The following CSMD1 variants were observed in gnomAD, a reference collection of about 807,000 sequenced individuals.
The protein encoded by CSMD1 is CUB and Sushi multiple domains 1.
In CSMD1, 213 loss-of-function variants were observed where a neutral mutation model predicts 417.5. That is an observed-to-expected ratio of 0.51 (90% CI 0.46 to 0.57). CSMD1 has a LOEUF of 0.57. CSMD1 is among the 20% of genes least tolerant of loss of function. CSMD1 has a pLI of 0.00. For missense variants in CSMD1, 6,923 were observed against 4,529.7 expected (o/e 1.53, Z -15.17); for synonymous variants, 2,862 against 1,736.8 (o/e 1.65, Z -16.11).
intron 3 of CSMD1, among the ~76,000 whole-genome samples, chr8:4,181,151 G>A (rs914552696): frequency 2.0e-5 from 3 of 152,098 alleles, no homozygotes; most frequent in African/African-American, 4.8e-5. Flanking sequence ...CTATTTTGGT[G>A]TATTTGCTTT....
At chr8:4,604,615 T>A (rs1441931346) in intron 2 of CSMD1, among the ~76,000 whole-genome samples, 6 of 152,178 alleles carry the variant, frequency 3.9e-5, no homozygotes, top group Non-Finnish European at 8.8e-5. Flanking sequence ...AAAGTGAAAC[T>A]AAAGTTAAAT....
intron 5 of CSMD1, among the ~76,000 whole-genome samples, chr8:3,877,355 C>G (rs1805893989): frequency 2.0e-5 from 3 of 152,188 alleles, no homozygotes; most frequent in Admixed American, 2.0e-4. Flanking sequence ...GGCATGTGCT[C>G]TTCCATGGCT....
At chr8:3,273,549 G>A (rs941636119) in intron 26 of CSMD1, among the ~76,000 whole-genome samples, 52 of 152,144 alleles carry the variant, frequency 3.4e-4, no homozygotes, top group African/African-American at 9.9e-4. Flanking sequence ...TCGGTTGTGA[G>A]TCCATCTGGT....
intron 2 of CSMD1, among the ~76,000 whole-genome samples, chr8:4,454,942 G>A (rs758512236): frequency 1.3e-5 from 2 of 152,098 alleles, no homozygotes; most frequent in Non-Finnish European, 2.9e-5. Context: ...GACTCATGAC[G>A]CTTCTGTACG....
intron 3 of CSMD1, among the ~76,000 whole-genome samples, chr8:4,418,002 T>G (rs964153085): frequency 4.6e-5 from 7 of 152,040 alleles, no homozygotes; most frequent in African/African-American, 1.7e-4. Flanking sequence ...TAATTGATAA[T>G]TTTTCTCCAA....
intron 4 of CSMD1, among the ~76,000 whole-genome samples, chr8:4,027,464 G>A (rs71521902): frequency 1.3e-5 from 2 of 152,090 alleles, no homozygotes; most frequent in South Asian, 2.1e-4. Context: ...TCTTGTGACA[G>A]TGGGTGAGTT....
intron 5 of CSMD1, among the ~76,000 whole-genome samples, chr8:3,826,054 A>G (rs1802037567): frequency 6.6e-6 from 1 of 152,172 alleles, no homozygotes. Flanking sequence ...ATGGAGGCCC[A>G]CATAGACATC....
chr8:4,084,324 G>C (rs1017317096), intron 3 of CSMD1, among the ~76,000 whole-genome samples: 2 of 84,752 alleles, frequency 2.4e-5, no homozygotes, highest in Non-Finnish European at 5.5e-5. Context: ...ATATTGGTTT[G>C]TTAAAAAAGA....
intron 1 of CSMD1, among the ~76,000 whole-genome samples, chr8:4,827,197 A>C (rs915952145): frequency 1.3e-5 from 2 of 152,092 alleles, no homozygotes; most frequent in African/African-American, 4.8e-5. Flanking sequence ...ATAACTGAAA[A>C]CCTCAGAATG....
At chr8:4,352,425 C>T (rs992369356) in intron 3 of CSMD1, among the ~76,000 whole-genome samples, 1 of 152,144 alleles carries the variant, frequency 6.6e-6, no homozygotes, top group African/African-American at 2.4e-5. Context: ...ATAAATATTT[C>T]CTTTTCAACT....
At chr8:4,655,092 T>A (rs1441471227) in intron 1 of CSMD1, among the ~76,000 whole-genome samples, 29 of 152,094 alleles carry the variant, frequency 1.9e-4, no homozygotes, top group Admixed American at 1.9e-3. Flanking sequence ...GGAGACCTAT[T>A]AATTTACCTA....
intron 3 of CSMD1, among the ~76,000 whole-genome samples, chr8:4,096,415 A>G (rs1159271885): frequency 6.6e-6 from 1 of 152,124 alleles, no homozygotes; most frequent in Non-Finnish European, 1.5e-5. Context: ...CATAGAGTGA[A>G]AACAGGAAGG....
chr8:3,576,353 A>G (rs1800151065), intron 9 of CSMD1, among the ~76,000 whole-genome samples: 1 of 128,838 alleles, frequency 7.8e-6, no homozygotes, highest in African/African-American at 2.6e-5. Flanking sequence ...ATCTACTGTG[A>G]CTGTTCATCT....
At chr8:3,220,280 CCT>C (rs1798126053) in intron 28 of CSMD1, among the ~76,000 whole-genome samples, 2 of 151,552 alleles carry the variant, frequency 1.3e-5, no homozygotes, top group African/African-American at 4.9e-5. Flanking sequence ...TTTCTCTGTC[CCT>C]CTCTTTCTTT....
At chr8:3,710,484 T>C (rs1171563814) in intron 6 of CSMD1, among the ~76,000 whole-genome samples, 1 of 152,170 alleles carries the variant, frequency 6.6e-6, no homozygotes, top group East Asian at 1.9e-4. Flanking sequence ...GCAGTGATTG[T>C]TACTCTTTTC....
At chr8:3,522,839 T>C (rs1401202525) in intron 10 of CSMD1, among the ~76,000 whole-genome samples, 1 of 150,568 alleles carries the variant, frequency 6.6e-6, no homozygotes, top group Non-Finnish European at 1.5e-5. Context: ...TATAATTTGT[T>C]AGATATATAT....
chr8:3,414,829 T>C lies in CSMD1; in HGVS notation c.1562-5224A>G, dbSNP rs541789968. 2.6e-5 allele frequency among the ~76,000 whole-genome samples: 4 copies of C among 152,338 alleles called. No homozygotes were observed. In the South Asian group the frequency reaches 8.3e-4, roughly 32 times the overall value. ...AATATTTAGTCCATTCTTTCCTCTGTTGTCTTATTTAACCATGCACTGTTG... is the reference window on the plus strand; with the variant it reads ...AATATTTAGTCCATTCTTTCCTCTGCTGTCTTATTTAACCATGCACTGTTG... On this transcript the variant is annotated intron_variant, in intron 12 of 69. Coordinates refer to ENST00000635120, the MANE Select transcript of CSMD1 (RefSeq NM_033225.6).
intron 32 of CSMD1, among the ~76,000 whole-genome samples, chr8:3,200,287 G>A (rs559497937): frequency 2.0e-5 from 3 of 152,148 alleles, no homozygotes; most frequent in Non-Finnish European, 4.4e-5. Flanking sequence ...AGGTGAGGTG[G>A]CTCACACCTG....
intron 10 of CSMD1, among the ~76,000 whole-genome samples, chr8:3,506,097 G>T (rs1427371347): frequency 2.0e-5 from 3 of 152,162 alleles, no homozygotes; most frequent in Non-Finnish European, 4.4e-5. Context: ...TTCTCATAAG[G>T]AGGTGTCTCA....
Sources: gnomAD v4.1 joint callset for allele counts (sites outside exome capture counted in the v4.1 genomes callset) on GRCh38, gnomAD v4.1.1 for gene constraint, MANE v1.5 for transcripts, NCBI Gene and HGNC (gene_info 2026-07-23, HGNC 2026-07-21) for gene names.